The following C2 variants were observed in gnomAD, a reference collection of about 807,000 sequenced individuals.
The protein encoded by C2 is complement C2.
Under a neutral mutation model 85.2 loss-of-function variants are expected in C2, and 64 were observed. That is an observed-to-expected ratio of 0.75 (90% CI 0.61 to 0.92). C2 has a LOEUF of 0.92. C2 is among the 40% of genes least tolerant of loss of function. The probability of loss-of-function intolerance (pLI) is 0.00; values close to 1 mark genes in which losing one functional copy is unlikely to be tolerated. For synonymous variants in C2, 311 were observed against 370.8 expected (o/e 0.84, Z 1.85); for missense variants, 820 against 971.6 (o/e 0.84, Z 2.07).
upstream of C2, chr6:31,900,754 G>A (rs749550904): frequency 1.6e-5 from 25 of 1,588,558 alleles, no homozygotes; most frequent in South Asian, 2.4e-4. The surrounding 1 kb of genome is among the most constrained non-coding windows in gnomAD (Gnocchi z 9.7). Context: ...CATCCAGTGG[G>A]AACTCCAGCT....
At chr6:31,923,770 T>C (rs1233287599), upstream of C2, among the ~76,000 whole-genome samples, 1 of 149,544 alleles carries the variant, frequency 6.7e-6, no homozygotes, top group Non-Finnish European at 1.5e-5. Context: ...ATTACAGGCG[T>C]AAGCCACCGC....
intron 2 of C2, 83 bp from the exon 3 acceptor site, chr6:31,928,649 C>A: frequency 7.3e-7 from 1 of 1,368,836 alleles, no homozygotes; most frequent in Non-Finnish European, 1.0e-6. Context: ...CCATGCATTC[C>A]AGCATAAAAT....
rs1481927235 is a variant in C2 at position 31,935,918 on chromosome 6, C to A, written c.850-5C>A. The A allele has an allele frequency of 6.2e-7, 1 of 1,612,928 alleles. No individual in the cohort carries two copies. The highest frequency in any genetic ancestry group is 1.7e-5 in the Admixed American group (1 of 60,004). ...TTTACGCTGCCTCTCACTTGCCCCG[C>A]ACAGATCTTCAGCTTTGAGATCAAT... On this transcript the variant is annotated splice_region_variant and splice_polypyrimidine_tract_variant and intron_variant, in intron 6 of 17. Coordinates refer to ENST00000299367, the MANE Select transcript of C2 (RefSeq NM_000063.6). The surrounding 1 kb of genome is among the most constrained non-coding windows in gnomAD (Gnocchi z 4.3).
chr6:31,915,034 G>T (rs1428971305), upstream of C2, among the ~76,000 whole-genome samples: 1 of 152,152 alleles, frequency 6.6e-6, no homozygotes, highest in Non-Finnish European at 1.5e-5. Flanking sequence ...CTCAACGTTG[G>T]TGCTGGCTTT....
In C2 at chr6:31,944,799, G is replaced by A; in HGVS notation, c.1975G>A (p.Val659Met). 6.2e-7 allele frequency: 1 copy of A among 1,613,066 alleles called. No individual in the cohort carries two copies. Among genetic ancestry groups the A allele is most frequent in the Non-Finnish European group, 8.5e-7 (1 of 1,180,030 alleles). Residue 659 changes from valine to methionine, a missense_variant, in exon 16 of 18, where the codon GTG becomes ATG. By Grantham distance (21) the Val-to-Met change is conservative. Transcript: ENST00000299367. This position sits in a 1 kb window ranked among gnomAD's most constrained non-coding sequence, Gnocchi z 5.1. ...CAACTTGACAGATGTCAGGGAGGTG[G>A]TGACAGACCAGTTCCTATGCAGTGG... ...FPNLTDVREV[V>M]TDQFLCSGTQ...
rs867547119 is a variant in C2, at chr6:31,944,599, T to A, written c.1903-128T>A. Reference sequence around the variant, plus strand: ...TTTCGCCATGTTGGCCAGGATGGTCTTGAACTCCTGACCTCAAGTGATCTG... The same window carrying A: ...TTTCGCCATGTTGGCCAGGATGGTCATGAACTCCTGACCTCAAGTGATCTG... On this transcript the variant is annotated intron_variant, in intron 15 of 17. Coordinates refer to ENST00000299367, the MANE Select transcript of C2 (RefSeq NM_000063.6). This position sits in a 1 kb window ranked among gnomAD's most constrained non-coding sequence, Gnocchi z 5.1. 1 of 1,042,964 alleles carries A rather than the reference T, an allele frequency of 9.6e-7. No homozygotes were observed. The highest frequency in any genetic ancestry group is 1.5e-6 in the Non-Finnish European group (1 of 665,402). The allele number at this position is 1,042,964 out of a possible 1,614,324, so 64.6% of individuals were successfully genotyped here. A position where few individuals can be genotyped will look rare whatever the true frequency, so the allele number is the denominator to read the frequency against.
upstream of C2, chr6:31,897,883 G>A: frequency 9.4e-7 from 1 of 1,058,672 alleles, no homozygotes; most frequent in Non-Finnish European, 1.1e-6. Context: ...GTTCTGCAGG[G>A]ACCGAGGGCG....
rs961587741 is a variant in C2, at chr6:31,935,660, G to T, written c.850-263G>T. Among the ~76,000 whole-genome samples the T allele has an allele frequency of 3.3e-5, 5 of 151,912 alleles. No homozygotes were observed. Among genetic ancestry groups the T allele is most frequent in the Non-Finnish European group, 1.5e-5 (1 of 67,978 alleles). On this transcript the variant is annotated intron_variant, in intron 6 of 17. Transcript: ENST00000299367. The surrounding 1 kb of genome is among the most constrained non-coding windows in gnomAD (Gnocchi z 4.3). ...AATTTTTGTATTTTTAGTAGAGATG[G>T]GTTTTGCCATGTTGGTCAGGCTGGT...
chr6:31,944,861 C>T lies in C2; in HGVS notation c.2029+8C>T, dbSNP rs1771241149. ...ATGAGAGTCCCTGCAAGGGTGAGTCCCTCACCATGCCTGGATTCCCAAGGG... is the reference window on the plus strand; with the variant it reads ...ATGAGAGTCCCTGCAAGGGTGAGTCTCTCACCATGCCTGGATTCCCAAGGG... On this transcript the variant is annotated splice_region_variant and intron_variant, in intron 16 of 17. Coordinates refer to ENST00000299367, the MANE Select transcript of C2 (RefSeq NM_000063.6). The surrounding 1 kb of genome is among the most constrained non-coding windows in gnomAD (Gnocchi z 5.1). 5 of 1,612,878 alleles carry T rather than the reference C, an allele frequency of 3.1e-6. No individual in the cohort carries two copies. The highest frequency in any genetic ancestry group is 2.5e-6 in the Non-Finnish European group (3 of 1,180,002).
chr6:31,930,625 G>A (rs1711720708), intron 3 of C2, among the ~76,000 whole-genome samples: 1 of 152,132 alleles, frequency 6.6e-6, no homozygotes, highest in African/African-American at 2.4e-5. Context: ...TGTGGGTTTG[G>A]GAGCTTCTTG....
rs1339873608 is a variant in C2 at position 31,943,345 on chromosome 6, G to A, written c.1455+26G>A. 8.7e-6 allele frequency: 14 copies of A among 1,609,772 alleles called. No homozygotes were observed. Among genetic ancestry groups the A allele is most frequent in the Non-Finnish European group, 1.2e-5 (14 of 1,177,098 alleles). On this transcript the variant is annotated intron_variant, in intron 11 of 17. Coordinates refer to ENST00000299367, the MANE Select transcript of C2 (RefSeq NM_000063.6). The surrounding 1 kb of genome is among the most constrained non-coding windows in gnomAD (Gnocchi z 6.4). ...GTACCAGGAAGGAGGGGCAGGGCTTGGATTCCAGAGGTAAAAGCGGCCATG... is the reference window on the plus strand; with the variant it reads ...GTACCAGGAAGGAGGGGCAGGGCTTAGATTCCAGAGGTAAAAGCGGCCATG...
chr6:31,924,716 G>A (rs1348895385), upstream of C2, among the ~76,000 whole-genome samples: 1 of 152,166 alleles, frequency 6.6e-6, no homozygotes, highest in Non-Finnish European at 1.5e-5. Flanking sequence ...AAAGTTTAGT[G>A]ATTTGAATGT....
intron 6 of C2, 43 bp downstream of exon 6, chr6:31,934,342 C>T (rs377491901): frequency 1.8e-5 from 29 of 1,612,860 alleles, no homozygotes; most frequent in Non-Finnish European, 2.4e-5. Flanking sequence ...CCTTCCTGTG[C>T]TCACTATCTC....
chr6:31,915,864 G>A (rs1226074091), upstream of C2, among the ~76,000 whole-genome samples: 1 of 152,198 alleles, frequency 6.6e-6, no homozygotes, highest in Non-Finnish European at 1.5e-5. Flanking sequence ...GGCAGAAAAC[G>A]GGAAAATTCA....
chr6:31,921,891 G>A lies in C2; in HGVS notation c.-100+1865G>A, dbSNP rs1299601608. On this transcript the variant is annotated intron_variant, in intron 1 of 3. Coordinates refer to the C2 transcript ENST00000413154. This position sits in a 1 kb window ranked among gnomAD's most constrained non-coding sequence, Gnocchi z 4.6. ...GTGATCGCAAGAAACATGGGTAGTGGAGTGTGATAGAGAAGGAAGGCAGTC... is the reference window on the plus strand; with the variant it reads ...GTGATCGCAAGAAACATGGGTAGTGAAGTGTGATAGAGAAGGAAGGCAGTC... 6.6e-6 allele frequency among the ~76,000 whole-genome samples: 1 copy of A among 152,144 alleles called. No individual in the cohort carries two copies. The highest frequency in any genetic ancestry group is 2.4e-5 in the African/African-American group (1 of 41,426).
In C2 at chr6:31,945,415, C is replaced by T; in HGVS notation, c.*58C>T. The T allele has an allele frequency of 6.6e-7, 1 of 1,506,354 alleles. No individual in the cohort carries two copies. The highest frequency in any genetic ancestry group is 2.3e-5 in the East Asian group (1 of 44,404). 93.3% of individuals were successfully genotyped at this position (1,506,354 alleles called of 1,614,324 possible). On this transcript the variant is annotated 3_prime_UTR_variant, in exon 18 of 18. Transcript: ENST00000299367. The surrounding 1 kb of genome is among the most constrained non-coding windows in gnomAD (Gnocchi z 5.3). ...GAATCTGCCGCCCCTCCATCTTCTA[C>T]CTCTGAATGGCCACCCTTAGACCCT...
chr6:31,903,448 G>A (rs889901178), intron 1 of C2, among the ~76,000 whole-genome samples: 1 of 152,038 alleles, frequency 6.6e-6, no homozygotes, highest in Non-Finnish European at 1.5e-5. Context: ...TGGCCAACAT[G>A]GTGAAACCCT....
At chr6:31,927,518 T>C (rs1437939292), upstream of C2, 11 of 1,444,064 alleles carry the variant, frequency 7.6e-6, no homozygotes, top group Non-Finnish European at 1.0e-5. The surrounding 1 kb of genome is among the most constrained non-coding windows in gnomAD (Gnocchi z 4.7). Flanking sequence ...GGAGATCTAT[T>C]GACCCTATAG....
At chr6:31,927,464 G>A (rs4711281), upstream of C2, 777 of 1,404,244 alleles carry the variant, frequency 5.5e-4, 11 homozygotes, top group Admixed American at 0.011. The surrounding 1 kb of genome is among the most constrained non-coding windows in gnomAD (Gnocchi z 4.7). Flanking sequence ...ACATGTGCAC[G>A]CATGGGTGGG....
Sources: allele counts gnomAD v4.1 joint callset (sites outside exome capture counted in the v4.1 genomes callset), GRCh38; gene constraint gnomAD v4.1.1; non-coding constraint Gnocchi (gnomAD v3.1); transcripts MANE v1.5; gene names NCBI Gene and HGNC (gene_info 2026-07-23, HGNC 2026-07-21).